PLD5: variants seen among roughly 807,000 people sequenced by gnomAD.
The protein encoded by PLD5 is inactive phospholipase D5.
Under a neutral mutation model 61.1 loss-of-function variants are expected in PLD5, and 36 were observed. The ratio of observed to expected loss-of-function variants is 0.59; its 90% CI spans 0.45 to 0.78. The LOEUF is 0.78. PLD5 is among the 30% of genes least tolerant of loss of function. The probability of loss-of-function intolerance (pLI) is 0.00; values close to 1 mark genes in which losing one functional copy is unlikely to be tolerated. For missense variants in PLD5, 515 were observed against 644.4 expected, an observed-to-expected ratio of 0.80 and a Z score of 2.17; for synonymous variants, 243 against 242.8, an observed-to-expected ratio of 1.00 and a Z score of -0.01.
chr1:242,318,139 T>C (rs1245049892), intron 2 of PLD5, among the ~76,000 whole-genome samples: 8 of 152,254 alleles, frequency 5.3e-5, no homozygotes, highest in Admixed American at 3.9e-4. Flanking sequence ...AATAATGGCA[T>C]TGTGTAGGAC....
intron 2 of PLD5, among the ~76,000 whole-genome samples, chr1:242,292,873 T>C (rs530774595): frequency 2.0e-5 from 3 of 152,134 alleles, no homozygotes; most frequent in South Asian, 2.1e-4. Flanking sequence ...TTTCTAAAAA[T>C]ATTCTGCTCA....
At chr1:242,152,369 A>G (rs746329417) in intron 5 of PLD5, among the ~76,000 whole-genome samples, 1 of 151,712 alleles carries the variant, frequency 6.6e-6, no homozygotes, top group Non-Finnish European at 1.5e-5. Flanking sequence ...TTTTTTTCTT[A>G]TTACACTTTA....
Position 242,488,444 on chromosome 1 carries a change from C to T in PLD5, c.189+35644G>A, listed in dbSNP as rs115033319. ...CATGAGGTATCATGACATGGAGACA[C>T]CTTAAATGCATATTGCTAAGTGAAA... On this transcript the variant is annotated intron_variant, in intron 1 of 9. Transcript: ENST00000536534. Among the ~76,000 whole-genome samples the T allele has an allele frequency of 8.6e-3, 1,303 of 152,172 alleles. 21 individuals are homozygous for T. The highest frequency in any genetic ancestry group is 0.03 in the African/African-American group (1,237 of 41,532).
intron 1 of PLD5, among the ~76,000 whole-genome samples, chr1:242,418,774 T>C (rs141515808): frequency 6.6e-6 from 1 of 152,284 alleles, no homozygotes; most frequent in Non-Finnish European, 1.5e-5. Flanking sequence ...TCATACCCCA[T>C]AGTGTGCTCC....
At position 242,087,409 on chromosome 1, in the gene PLD5, A is replaced by AT; in HGVS notation, c.*2444dup. 2.0e-5 allele frequency: 3 copies of AT among 152,298 alleles called. No individual in the cohort carries two copies. Among genetic ancestry groups the AT allele is most frequent in the Admixed American group, 2.0e-4 (3 of 15,304 alleles). The allele number at this position is 152,298 out of a possible 1,614,324, so 9.4% of individuals were successfully genotyped here. ...CAGATAGTGACAGTGAAGGGGCCCC[A>AT]TGACACCAAGCCTATGAGTGTCCCA... On this transcript the variant is annotated 3_prime_UTR_variant, in exon 10 of 10. Transcript: ENST00000536534.
intron 1 of PLD5, among the ~76,000 whole-genome samples, chr1:242,387,811 C>G (rs936926752): frequency 6.6e-6 from 1 of 151,350 alleles, no homozygotes; most frequent in Non-Finnish European, 1.5e-5. Context: ...TAGAAGGTAG[C>G]AATAAAAAGT....
intron 2 of PLD5, among the ~76,000 whole-genome samples, chr1:242,306,992 CTT>C (rs1365461164): frequency 2.6e-5 from 4 of 152,250 alleles, no homozygotes. Context: ...GCCATCTGCT[CTT>C]GTCTCATTAT....
intron 1 of PLD5, chr1:242,449,567 G>A: frequency 2.8e-6 from 4 of 1,414,798 alleles, no homozygotes; most frequent in Non-Finnish European, 3.7e-6. Flanking sequence ...AAGGGCTGCA[G>A]CTTGCAATTT....
chr1:242,290,317 T>A, intron 2 of PLD5, among the ~76,000 whole-genome samples: 1 of 146,048 alleles, frequency 6.8e-6, no homozygotes, highest in South Asian at 2.2e-4. Context: ...AGATGAAAAT[T>A]TTTTATGAGT....
rs144610975 is a variant in PLD5 at position 242,457,992 on chromosome 1, T to G, written c.189+66096A>C. The stretch of plus-strand genomic sequence containing the variant: ...GAAGGAACCCCTTTCAATATCACTT[T>G]AGGTTTTAGGTATCGACCTTTGTGC... On this transcript the variant is annotated intron_variant, in intron 1 of 9. Transcript: ENST00000536534. Among the ~76,000 whole-genome samples the G allele has an allele frequency of 1.7e-3, 263 of 152,320 alleles. 1 individual carries two copies. The highest frequency in any genetic ancestry group is 5.5e-3 in the African/African-American group (228 of 41,574).
chr1:242,502,317 A>T (rs150678461), intron 1 of PLD5, among the ~76,000 whole-genome samples: 151 of 152,328 alleles, frequency 9.9e-4, no homozygotes, highest in African/African-American at 3.6e-3. Flanking sequence ...TGAGTGATCC[A>T]GCCTTAGTCC....
rs1351394214 is a variant in PLD5 at position 242,312,074 on chromosome 1, T to G, written c.327-23544A>C. Among the ~76,000 whole-genome samples, 3 of 151,976 alleles carry G rather than the reference T, an allele frequency of 2.0e-5. No individual in the cohort carries two copies. The East Asian group carries it at 5.8e-4, about 29-fold the overall frequency. On this transcript the variant is annotated intron_variant, in intron 2 of 9. Coordinates refer to ENST00000536534, the MANE Select transcript of PLD5 (RefSeq NM_001372062.1). ...TCTATTTGACTTTTATAATTTCTAC[T>G]TTTTTTATATTCTCATTTTACTCAT...
At chr1:242,263,702 A>G (rs1673498413) in intron 4 of PLD5, among the ~76,000 whole-genome samples, 1 of 152,254 alleles carries the variant, frequency 6.6e-6, no homozygotes. Context: ...AAGTTGTAGT[A>G]GTATCTACAT....
In PLD5 at chr1:242,274,050, A is replaced by G. The variant is rs55789824; in HGVS notation, c.496-8602T>C. 6.4e-3 allele frequency among the ~76,000 whole-genome samples: 968 copies of G among 152,346 alleles called. 10 individuals are homozygous for G. Among genetic ancestry groups the G allele is most frequent in the Non-Finnish European group, 8.6e-3 (588 of 68,040 alleles). Reference sequence around the variant, plus strand: ...TTCTGTTTCTTAAACCAAAAAGTCCATGGCAATTTGTTACAGTAGCCACAG... The same window carrying G: ...TTCTGTTTCTTAAACCAAAAAGTCCGTGGCAATTTGTTACAGTAGCCACAG... On this transcript the variant is annotated intron_variant, in intron 3 of 9. Transcript: ENST00000536534.
intron 6 of PLD5, among the ~76,000 whole-genome samples, chr1:242,114,967 A>C (rs1016916227): frequency 6.6e-6 from 1 of 152,172 alleles, no homozygotes; most frequent in Non-Finnish European, 1.5e-5. Context: ...ACCTGAGGTC[A>C]GGAGTTCAAG....
chr1:242,394,765 TGTG>T lies in PLD5; in HGVS notation c.190-46526_190-46524del, dbSNP rs1166501125. ...ATATGTGAACATATATGTGTATATA[TGTG>T]AATATATATGTGTATATATGTGAAT... On this transcript the variant is annotated intron_variant, in intron 1 of 9. Transcript: ENST00000536534. 3.1e-4 allele frequency among the ~76,000 whole-genome samples: 14 copies of T among 45,104 alleles called. 2 individuals are homozygous for T. The East Asian group carries it at 7.4e-3, about 24-fold the overall frequency. 29.6% of individuals were successfully genotyped at this position (45,104 alleles called of 152,430 possible).
chr1:242,278,550 A>C (rs1674540657), intron 3 of PLD5, among the ~76,000 whole-genome samples: 1 of 152,222 alleles, frequency 6.6e-6, no homozygotes, highest in Non-Finnish European at 1.5e-5. Context: ...ACCAAGAAAA[A>C]ACAGGACCAA....
chr1:242,436,203 TC>T (rs1213155745), intron 1 of PLD5, among the ~76,000 whole-genome samples: 2 of 152,146 alleles, frequency 1.3e-5, no homozygotes, highest in African/African-American at 2.4e-5. Context: ...ACTCTATGCT[TC>T]TCCATTTCCA....
intron 4 of PLD5, among the ~76,000 whole-genome samples, chr1:242,237,819 TC>T (rs1194633830): frequency 6.6e-6 from 1 of 152,118 alleles, no homozygotes; most frequent in African/African-American, 2.4e-5. Context: ...AAAACAAGAT[TC>T]TCGTTAAATT....
Sources: allele counts gnomAD v4.1 joint callset (sites outside exome capture counted in the v4.1 genomes callset), GRCh38; gene constraint gnomAD v4.1.1; transcripts MANE v1.5; gene names NCBI Gene and HGNC (gene_info 2026-07-23, HGNC 2026-07-21).